FGGY: variants seen among roughly 807,000 people sequenced by gnomAD.
FGGY encodes the protein FGGY carbohydrate kinase domain-containing protein.
FGGY carries 72 observed loss-of-function variants against 71.3 expected under a neutral mutation model. That is an observed-to-expected ratio of 1.01 (90% CI 0.84 to 1.23). The LOEUF is 1.23. FGGY is among the 50% of genes most tolerant of loss of function. FGGY has a pLI of 0.00. For synonymous variants in FGGY, 251 were observed against 250.3 expected (o/e 1.00, Z -0.02); for missense variants, 668 against 682.3 (o/e 0.98, Z 0.23).
chr1:59,673,724 G>A (rs368710146), intron 13 of FGGY: 19 of 301,862 alleles, frequency 6.3e-5, no homozygotes, highest in African/African-American at 3.8e-4. Flanking sequence ...ATAAACATCA[G>A]TGGATCTGAA....
rs2047683854 is a variant in FGGY, at chr1:59,327,684, A to AATCACTATCT, written c.201+5937_201+5946dup. Among the ~76,000 whole-genome samples the AATCACTATCT allele has an allele frequency of 2.0e-5, 3 of 152,344 alleles. No homozygotes were observed. In the South Asian group the frequency reaches 6.2e-4, roughly 32 times the overall value. Reference sequence around the variant, plus strand: ...TTACTTTATCTAGATCAATTAGAGGAATCACTATCTATGGCAGCTATATCC... The same window carrying AATCACTATCT: ...TTACTTTATCTAGATCAATTAGAGGAATCACTATCTATCACTATCTATGGCAGCTATATCC... On this transcript the variant is annotated intron_variant, in intron 2 of 15. Coordinates refer to ENST00000303721, the MANE Select transcript of FGGY (RefSeq NM_018291.5).
chr1:59,521,502 C>T (rs757007225), intron 7 of FGGY, among the ~76,000 whole-genome samples: 12 of 152,212 alleles, frequency 7.9e-5, no homozygotes, highest in Admixed American at 3.3e-4. Context: ...TTGTGCCACA[C>T]GTCAGTGTAT....
At chr1:59,717,788 G>A (rs189433536) in intron 14 of FGGY, among the ~76,000 whole-genome samples, 1 of 152,294 alleles carries the variant, frequency 6.6e-6, no homozygotes, top group East Asian at 1.9e-4. Flanking sequence ...TGCTGATTGA[G>A]TTATGCAATA....
intron 12 of FGGY, among the ~76,000 whole-genome samples, chr1:59,662,334 AAGAG>A (rs539001843): frequency 6.7e-6 from 1 of 150,336 alleles, no homozygotes; most frequent in African/African-American, 2.5e-5. Flanking sequence ...AAAAAAAAAA[AAGAG>A]AGAGATTTTA....
chr1:59,638,806 C>T (rs1030263808), intron 11 of FGGY, among the ~76,000 whole-genome samples: 1 of 152,202 alleles, frequency 6.6e-6, no homozygotes, highest in Non-Finnish European at 1.5e-5. Flanking sequence ...AGATTCTACA[C>T]TAATATAGTT....
At chr1:59,437,363 G>A (rs1032626899) in intron 5 of FGGY, among the ~76,000 whole-genome samples, 1 of 152,236 alleles carries the variant, frequency 6.6e-6, no homozygotes, top group East Asian at 1.9e-4. Context: ...TGGCCCAGTG[G>A]TAGAGCTCTC....
rs183012348 is a variant in FGGY at position 59,404,658 on chromosome 1, C to T, written c.554+25821C>T. Among the ~76,000 whole-genome samples, 4 of 152,184 alleles carry T rather than the reference C, an allele frequency of 2.6e-5. 1 individual carries two copies. In the East Asian group the frequency reaches 5.8e-4, roughly 22 times the overall value. On this transcript the variant is annotated intron_variant, in intron 5 of 15. Coordinates refer to ENST00000303721, the MANE Select transcript of FGGY (RefSeq NM_018291.5). Reference sequence around the variant, plus strand: ...GAGGGGGAGAAGTGTTGAACTAATTCAAGGGATGTTGGAGGGCTAAACCAG... The same window carrying T: ...GAGGGGGAGAAGTGTTGAACTAATTTAAGGGATGTTGGAGGGCTAAACCAG...
chr1:59,486,981 A>G (rs1246237167), intron 6 of FGGY, among the ~76,000 whole-genome samples: 1 of 152,170 alleles, frequency 6.6e-6, no homozygotes, highest in Non-Finnish European at 1.5e-5. Context: ...AAAAAAATCT[A>G]GGTTACATGT....
intron 5 of FGGY, among the ~76,000 whole-genome samples, chr1:59,385,457 T>A (rs1376788892): frequency 1.3e-5 from 2 of 152,228 alleles, no homozygotes; most frequent in African/African-American, 4.8e-5. Context: ...CTCATGACCA[T>A]CCTTACAGCA....
intron 7 of FGGY, among the ~76,000 whole-genome samples, chr1:59,525,821 T>A (rs879421361): frequency 3.3e-5 from 5 of 152,250 alleles, no homozygotes; most frequent in African/African-American, 1.2e-4. Context: ...TATACATATA[T>A]GTATTGTATG....
intron 6 of FGGY, among the ~76,000 whole-genome samples, chr1:59,479,774 C>T (rs1191686269): frequency 6.6e-6 from 1 of 152,146 alleles, no homozygotes; most frequent in Non-Finnish European, 1.5e-5. Context: ...GTACACAGAA[C>T]CCTGCTTAGG....
intron 7 of FGGY, among the ~76,000 whole-genome samples, chr1:59,527,417 T>G (rs922298195): frequency 5.3e-5 from 8 of 152,258 alleles, no homozygotes; most frequent in African/African-American, 1.9e-4. Flanking sequence ...GTTTCTCATC[T>G]GCCAGGCCTG....
Position 59,346,304 on chromosome 1 carries a change from A to G in FGGY, c.371A>G (p.Asn124Ser), listed in dbSNP as rs756355851. 5.0e-6 allele frequency: 8 copies of G among 1,612,606 alleles called. No homozygotes were observed. The highest frequency in any genetic ancestry group is 5.9e-6 in the Non-Finnish European group (7 of 1,179,756). ...WLDHRAVSQVNRINETKHSVL... is the reference protein window; with the variant it reads ...WLDHRAVSQVSRINETKHSVL... ...GACCATCGAGCAGTCAGTCAAGTTAACAGGATCAATGAGACCAAGCACAGT... is the reference window on the plus strand; with the variant it reads ...GACCATCGAGCAGTCAGTCAAGTTAGCAGGATCAATGAGACCAAGCACAGT... Residue 124 changes from asparagine (N) to serine (S), a missense_variant, in exon 4 of 16, where the codon AAC becomes AGC. Physicochemically the swap from Asn to Ser is conservative, Grantham distance 46 (BLOSUM62 1). This residue lies in a region of FGGY where 661 missense variants were observed against 661.6 expected (regional missense o/e 1.00). Coordinates refer to ENST00000303721, the MANE Select transcript of FGGY (RefSeq NM_018291.5).
chr1:59,554,872 G>C (rs2095660789), intron 8 of FGGY, among the ~76,000 whole-genome samples: 1 of 152,124 alleles, frequency 6.6e-6, no homozygotes, highest in Admixed American at 6.5e-5. Flanking sequence ...TTATTTAAAA[G>C]TCATTACTCT....
chr1:59,455,841 T>C (rs929184500), intron 5 of FGGY, among the ~76,000 whole-genome samples: 7 of 152,198 alleles, frequency 4.6e-5, no homozygotes, highest in African/African-American at 1.7e-4. Flanking sequence ...GGATGAGTTT[T>C]CCCAACAGAT....
intron 8 of FGGY, among the ~76,000 whole-genome samples, chr1:59,559,195 T>C (rs1301722655): frequency 6.6e-6 from 1 of 152,212 alleles, no homozygotes; most frequent in Non-Finnish European, 1.5e-5. Context: ...TAAGAAATTA[T>C]TAAAGTATTA....
chr1:59,725,805 G>T (rs750407872), intron 14 of FGGY, among the ~76,000 whole-genome samples: 3 of 152,036 alleles, frequency 2.0e-5, no homozygotes, highest in Non-Finnish European at 4.4e-5. Flanking sequence ...CATTGGGTGG[G>T]TTGGTTGATT....
At chr1:59,715,826 TGGCAAACTACTCCCCACA>T (rs1284977777) in intron 14 of FGGY, among the ~76,000 whole-genome samples, 7 of 152,202 alleles carry the variant, frequency 4.6e-5, no homozygotes, top group Admixed American at 2.0e-4. Context: ...TATTGGAGAT[TGGCAAACTACTCCCCACA>T]GGCCAAATTT....
chr1:59,454,451 T>C (rs1407319697), intron 5 of FGGY, among the ~76,000 whole-genome samples: 1 of 152,230 alleles, frequency 6.6e-6, no homozygotes, highest in African/African-American at 2.4e-5. Context: ...CCGTGAATAA[T>C]TTAGCATGTT....
Sources: gnomAD v4.1 joint callset for allele counts (sites outside exome capture counted in the v4.1 genomes callset) on GRCh38, gnomAD v4.1.1 for gene constraint, gnomAD v4.1.1 regional missense constraint, MANE v1.5 for transcripts, NCBI Gene and HGNC (gene_info 2026-07-23, HGNC 2026-07-21) for gene names.